Variants in FRMD4A observed in about 807,000 individuals in gnomAD.
FRMD4A encodes FERM domain-containing protein 4A.
Under a neutral mutation model 129.1 loss-of-function variants are expected in FRMD4A, and 29 were observed. The ratio of observed to expected loss-of-function variants is 0.22; its 90% CI spans 0.17 to 0.31. FRMD4A has a LOEUF of 0.31. Among genes scored for constraint, FRMD4A ranks in the 10% least tolerant of loss-of-function variants. FRMD4A has a pLI of 1.00. For missense variants in FRMD4A, 1,272 were observed against 1,375.8 expected, an observed-to-expected ratio of 0.92 and a Z score of 1.19; for synonymous variants, 634 against 571.6, an observed-to-expected ratio of 1.11 and a Z score of -1.56.
At chr10:14,110,210 A>T (rs911732402) in intron 2 of FRMD4A, among the ~76,000 whole-genome samples, 1 of 146,788 alleles carries the variant, frequency 6.8e-6, no homozygotes, top group Non-Finnish European at 1.5e-5. Context: ...AGATGTGGTT[A>T]AAAAAAAAAC....
chr10:14,217,249 C>A (rs988217307), intron 2 of FRMD4A, among the ~76,000 whole-genome samples: 2 of 152,224 alleles, frequency 1.3e-5, no homozygotes, highest in African/African-American at 4.8e-5. Flanking sequence ...CTTTGGACCA[C>A]TGAAATGGTT....
chr10:13,948,034 T>C (rs1036736590), intron 2 of FRMD4A, among the ~76,000 whole-genome samples: 1 of 146,032 alleles, frequency 6.8e-6, no homozygotes, highest in Non-Finnish European at 1.5e-5. Flanking sequence ...CTTGCCTCTA[T>C]AAAAAATAAA....
intron 8 of FRMD4A, among the ~76,000 whole-genome samples, chr10:13,759,979 G>A (rs942363901): frequency 2.0e-5 from 3 of 151,788 alleles, no homozygotes; most frequent in African/African-American, 4.8e-5. Context: ...TCCTCTGCTT[G>A]TTTATGTATT....
intron 2 of FRMD4A, 50 bp downstream of exon 2, chr10:14,330,008 G>C (rs768406443): frequency 3.3e-6 from 5 of 1,530,208 alleles, no homozygotes; most frequent in Non-Finnish European, 4.4e-6. Context: ...CGGTGCAGGG[G>C]AGGCTGGAGT....
At chr10:13,985,364 G>A (rs1343168502) in intron 2 of FRMD4A, among the ~76,000 whole-genome samples, 1 of 152,228 alleles carries the variant, frequency 6.6e-6, no homozygotes, top group African/African-American at 2.4e-5. Flanking sequence ...AGGCTGGAAT[G>A]GAGGACGCCT....
chr10:13,683,419 T>TAAA (rs1230005294), intron 15 of FRMD4A, among the ~76,000 whole-genome samples: 2 of 135,260 alleles, frequency 1.5e-5, no homozygotes, highest in Non-Finnish European at 3.2e-5. Flanking sequence ...ACCCTATCTG[T>TAAA]AAAAAAAAAA....
At chr10:14,217,434 G>A (rs1223488893) in intron 2 of FRMD4A, among the ~76,000 whole-genome samples, 5 of 152,160 alleles carry the variant, frequency 3.3e-5, no homozygotes, top group African/African-American at 9.6e-5. Context: ...GTTTGATAAG[G>A]GGAAACCCCT....
chr10:13,880,480 C>G (rs2094534485), intron 2 of FRMD4A, among the ~76,000 whole-genome samples: 1 of 152,194 alleles, frequency 6.6e-6, no homozygotes, highest in Non-Finnish European at 1.5e-5. Context: ...GCAATCTCAC[C>G]CACACGGCAC....
At chr10:13,803,573 A>G (rs1209437115) in intron 4 of FRMD4A, among the ~76,000 whole-genome samples, 2 of 152,118 alleles carry the variant, frequency 1.3e-5, no homozygotes, top group Non-Finnish European at 2.9e-5. Flanking sequence ...TCTGGCCTCA[A>G]GCAATCTTCC....
chr10:14,181,308 G>T (rs1331032898), intron 2 of FRMD4A, among the ~76,000 whole-genome samples: 3 of 151,920 alleles, frequency 2.0e-5, no homozygotes, highest in African/African-American at 7.3e-5. Flanking sequence ...TTTTCCTTAA[G>T]GTTTGTGGTT....
intron 2 of FRMD4A, among the ~76,000 whole-genome samples, chr10:14,242,493 T>C (rs1012139100): frequency 3.3e-5 from 5 of 152,324 alleles, no homozygotes; most frequent in East Asian, 3.9e-4. Flanking sequence ...AAGTAGTATA[T>C]TAATGGTAAT....
At chr10:14,319,916 G>C (rs964569738) in intron 2 of FRMD4A, among the ~76,000 whole-genome samples, 1 of 151,426 alleles carries the variant, frequency 6.6e-6, no homozygotes, top group African/African-American at 2.4e-5. Context: ...AGAGTGGCTT[G>C]TATGTGTCAT....
At chr10:14,108,159 T>C (rs1030097938) in intron 2 of FRMD4A, among the ~76,000 whole-genome samples, 7 of 152,216 alleles carry the variant, frequency 4.6e-5, no homozygotes, top group African/African-American at 1.7e-4. Context: ...AGAAATGGCA[T>C]TTTCATGTCG....
chr10:13,699,776 C>T (rs1032084241), intron 14 of FRMD4A, among the ~76,000 whole-genome samples: 7 of 152,144 alleles, frequency 4.6e-5, no homozygotes, highest in Non-Finnish European at 8.8e-5. Flanking sequence ...CCCTGGACAG[C>T]AAAACCCTGA....
chr10:14,010,664 CTT>C (rs779471389), intron 2 of FRMD4A, among the ~76,000 whole-genome samples: 3,499 of 76,346 alleles, frequency 0.046, 171 homozygotes, highest in African/African-American at 0.14. Flanking sequence ...GAGTTTAGGT[CTT>C]TTTTTTTTTT....
At chr10:13,903,153 C>G (rs1187815621) in intron 2 of FRMD4A, among the ~76,000 whole-genome samples, 1 of 152,120 alleles carries the variant, frequency 6.6e-6, no homozygotes, top group Non-Finnish European at 1.5e-5. Flanking sequence ...CTTTTCAGGT[C>G]CCTGCTCAGA....
chr10:14,123,830 C>CA (rs1231848351), intron 2 of FRMD4A, among the ~76,000 whole-genome samples: 1 of 152,174 alleles, frequency 6.6e-6, no homozygotes, highest in East Asian at 1.9e-4. Flanking sequence ...GCTCCGTGGT[C>CA]ACTTAAGCTT....
chr10:14,241,926 T>C (rs868748964), intron 2 of FRMD4A, among the ~76,000 whole-genome samples: 1 of 152,052 alleles, frequency 6.6e-6, no homozygotes, highest in Non-Finnish European at 1.5e-5. Context: ...TCTTCTGTTT[T>C]CCTAAGCTGT....
intron 2 of FRMD4A, among the ~76,000 whole-genome samples, chr10:14,197,318 G>A (rs180777709): frequency 6.6e-6 from 1 of 152,226 alleles, no homozygotes; most frequent in African/African-American, 2.4e-5. Context: ...AATAATATTG[G>A]CGTATAACAC....
Sources: gnomAD v4.1 joint callset for allele counts (sites outside exome capture counted in the v4.1 genomes callset) on GRCh38, gnomAD v4.1.1 for gene constraint, MANE v1.5 for transcripts, NCBI Gene and HGNC (gene_info 2026-07-23, HGNC 2026-07-21) for gene names.